Variants in MKLN1 observed in about 807,000 individuals in gnomAD.
The protein encoded by MKLN1 is muskelin.
Under a neutral mutation model 99.0 loss-of-function variants are expected in MKLN1, and 18 were observed. The observed-to-expected ratio is 0.18, with a 90% confidence interval of 0.13 to 0.27. The LOEUF (loss-of-function observed/expected upper bound fraction) is 0.27, where lower values mean the gene tolerates loss of function less well. Ranked by LOEUF, MKLN1 falls within the 10% of genes least tolerant of loss-of-function variation. The probability of loss-of-function intolerance (pLI) is 1.00; values close to 1 mark genes in which losing one functional copy is unlikely to be tolerated. For synonymous variants in MKLN1, 288 were observed against 293.2 expected (o/e 0.98, Z 0.18); for missense variants, 621 against 875.9 (o/e 0.71, Z 3.67).
intron 2 of MKLN1, among the ~76,000 whole-genome samples, chr7:131,187,033 G>C (rs887370598): frequency 6.6e-6 from 1 of 152,174 alleles, no homozygotes; most frequent in Admixed American, 6.6e-5. Context: ...TACATTCAGG[G>C]AACTCCGAGT....
At chr7:131,322,236 C>G (rs1192460472) in intron 3 of MKLN1, among the ~76,000 whole-genome samples, 1 of 152,126 alleles carries the variant, frequency 6.6e-6, no homozygotes, top group Admixed American at 6.5e-5. Flanking sequence ...AGGATTTTAT[C>G]TTGTCTTAGA....
intron 1 of MKLN1, among the ~76,000 whole-genome samples, chr7:131,342,195 C>G (rs952061517): frequency 6.6e-6 from 1 of 151,514 alleles, no homozygotes; most frequent in African/African-American, 2.4e-5. Flanking sequence ...GTCAAGAAAC[C>G]GTTTAATGCA....
intron 1 of MKLN1, among the ~76,000 whole-genome samples, chr7:131,354,157 A>G (rs934710478): frequency 2.0e-5 from 3 of 152,074 alleles, no homozygotes; most frequent in African/African-American, 7.2e-5. Flanking sequence ...GTCTATGTCT[A>G]AAAGAAATCT....
intron 6 of MKLN1, among the ~76,000 whole-genome samples, chr7:131,409,535 T>G (rs1794809547): frequency 6.6e-6 from 1 of 152,088 alleles, no homozygotes; most frequent in Non-Finnish European, 1.5e-5. Context: ...AGGTTTCCAG[T>G]TAAAGCCAGC....
At chr7:131,404,267 A>C (rs1251514750) in intron 6 of MKLN1, among the ~76,000 whole-genome samples, 4 of 152,144 alleles carry the variant, frequency 2.6e-5, no homozygotes, top group African/African-American at 9.7e-5. Flanking sequence ...TAGAATGAGT[A>C]GTAGCTTGGT....
At chr7:131,136,082 C>T (rs560557881) in intron 1 of MKLN1, among the ~76,000 whole-genome samples, 1 of 152,294 alleles carries the variant, frequency 6.6e-6, no homozygotes, top group Admixed American at 6.5e-5. Context: ...CTCCTGGCCT[C>T]AGTTCATGAA....
chr7:131,407,697 T>C (rs1794748901), intron 6 of MKLN1, among the ~76,000 whole-genome samples: 1 of 151,910 alleles, frequency 6.6e-6, no homozygotes, highest in Non-Finnish European at 1.5e-5. Flanking sequence ...TTTTTTTTTT[T>C]TTCATAATTT....
intron 12 of MKLN1, among the ~76,000 whole-genome samples, chr7:131,461,256 G>T (rs1003715672): frequency 1.4e-5 from 2 of 145,960 alleles, no homozygotes; most frequent in Admixed American, 6.8e-5. Context: ...TTTGTTTGCG[G>T]TTTTTTTTTT....
intron 3 of MKLN1, chr7:131,242,784 A>C (rs1584861936): frequency 1.5e-6 from 1 of 687,810 alleles, no homozygotes; most frequent in Non-Finnish European, 2.8e-6. Flanking sequence ...GATCTCTAAG[A>C]GGTCAAAGAT....
At chr7:131,315,883 G>GT (rs1798658926) in intron 3 of MKLN1, among the ~76,000 whole-genome samples, 1 of 152,196 alleles carries the variant, frequency 6.6e-6, no homozygotes, top group South Asian at 2.1e-4. Context: ...TGAAGCAAAG[G>GT]TAACAGCCCC....
At chr7:131,335,003 A>G (rs1230812642) in intron 1 of MKLN1, among the ~76,000 whole-genome samples, 2 of 152,188 alleles carry the variant, frequency 1.3e-5, no homozygotes, top group Non-Finnish European at 2.9e-5. Flanking sequence ...TGATCCGGGT[A>G]TCTTCTCTGC....
At chr7:131,478,759 C>A in intron 17 of MKLN1, 82 bp downstream of exon 17, 1 of 1,456,122 alleles carries the variant, frequency 6.9e-7, no homozygotes, top group Non-Finnish European at 9.6e-7. Flanking sequence ...CGTGAAACAT[C>A]AGGTGAGATG....
intron 3 of MKLN1, among the ~76,000 whole-genome samples, chr7:131,273,628 CT>C (rs369322456): frequency 3.7e-3 from 525 of 140,302 alleles, no homozygotes; most frequent in Non-Finnish European, 4.9e-3. Context: ...TTTTTTTTTC[CT>C]TTTTTTTTTT....
At chr7:131,242,402 G>T (rs975664961) in intron 3 of MKLN1, among the ~76,000 whole-genome samples, 2 of 152,112 alleles carry the variant, frequency 1.3e-5, no homozygotes, top group African/African-American at 2.4e-5. Context: ...TGGTTATGGT[G>T]GGGCATGCCT....
At chr7:131,446,432 T>G (rs975843463) in intron 12 of MKLN1, among the ~76,000 whole-genome samples, 5 of 152,236 alleles carry the variant, frequency 3.3e-5, no homozygotes, top group African/African-American at 1.2e-4. Context: ...GTGTCCTGTT[T>G]TGATCATTTA....
intron 3 of MKLN1, among the ~76,000 whole-genome samples, chr7:131,206,796 T>A (rs907690819): frequency 1.3e-5 from 2 of 152,104 alleles, no homozygotes; most frequent in African/African-American, 2.4e-5. Context: ...CCTCAAGCAA[T>A]CTTCCCACCT....
rs185383035 is a variant in MKLN1, at chr7:131,242,804, T to C, written c.-179+39830T>C. 1.2e-4 allele frequency: 80 copies of C among 672,628 alleles called. 1 individual carries two copies. The highest frequency in any genetic ancestry group is 1.1e-3 in the African/African-American group (62 of 56,098). The allele number at this position is 672,628 out of a possible 1,614,324, so 41.7% of individuals were successfully genotyped here. ...CTAAGAGGTCAAAGATCAAGTCTTT[T>C]GTGAAAGTTTATAACCACAATCAGC... On this transcript the variant is annotated intron_variant, in intron 3 of 7. Transcript: ENST00000416992.
At chr7:131,476,472 A>AAAAGC in intron 16 of MKLN1, among the ~76,000 whole-genome samples, 1 of 152,316 alleles carries the variant, frequency 6.6e-6, no homozygotes, top group East Asian at 1.9e-4. Context: ...CAATAGAAAA[A>AAAAGC]AAAAGCAATT....
intron 3 of MKLN1, among the ~76,000 whole-genome samples, chr7:131,212,120 C>A (rs1421540839): frequency 6.6e-6 from 1 of 152,228 alleles, no homozygotes; most frequent in African/African-American, 2.4e-5. Flanking sequence ...CCTGCAGGAT[C>A]CTTTCTGCTG....
Sources: allele counts gnomAD v4.1 joint callset (sites outside exome capture counted in the v4.1 genomes callset), GRCh38; gene constraint gnomAD v4.1.1; transcripts MANE v1.5; gene names NCBI Gene and HGNC (gene_info 2026-07-23, HGNC 2026-07-21).